The following RBFOX1 variants were observed in gnomAD, a reference collection of about 807,000 sequenced individuals.
RBFOX1 encodes the protein RNA binding fox-1 homolog 1, also known as RNA binding protein fox-1 homolog 1.
Under a neutral mutation model 57.7 loss-of-function variants are expected in RBFOX1, and 8 were observed. The observed-to-expected ratio is 0.14, with a 90% CI of 0.08 to 0.25. RBFOX1 has a LOEUF of 0.25. Ranked by LOEUF, RBFOX1 falls within the 10% of genes least tolerant of loss-of-function variation. RBFOX1 has a pLI of 1.00. For synonymous variants in RBFOX1, 326 were observed against 222.4 expected, an observed-to-expected ratio of 1.47 and a Z score of -4.15; for missense variants, 611 against 548.5, an observed-to-expected ratio of 1.11 and a Z score of -1.14.
intron 1 of RBFOX1, among the ~76,000 whole-genome samples, chr16:5,332,693 C>T (rs899446560): frequency 6.6e-6 from 1 of 151,234 alleles, no homozygotes; most frequent in Non-Finnish European, 1.5e-5. Flanking sequence ...ATTTTTCACT[C>T]CCTTATATCA....
chr16:5,360,666 G>C (rs575440600), intron 1 of RBFOX1, among the ~76,000 whole-genome samples: 1 of 152,198 alleles, frequency 6.6e-6, no homozygotes, highest in African/African-American at 2.4e-5. Flanking sequence ...CTAATGTGAG[G>C]AAGAAGAGGG....
At chr16:5,897,699 G>C (rs1406624771) in intron 4 of RBFOX1, among the ~76,000 whole-genome samples, 1 of 152,164 alleles carries the variant, frequency 6.6e-6, no homozygotes, top group Non-Finnish European at 1.5e-5. Flanking sequence ...AGCTTCTCCA[G>C]AGACTGTTCA....
chr16:5,804,124 A>G (rs1406490904), intron 3 of RBFOX1, among the ~76,000 whole-genome samples: 1 of 152,208 alleles, frequency 6.6e-6, no homozygotes, highest in Non-Finnish European at 1.5e-5. Context: ...GTTCCTTGGA[A>G]GTCAAGGGCC....
At chr16:7,275,641 G>A (rs1050061077) in intron 4 of RBFOX1, among the ~76,000 whole-genome samples, 1 of 150,680 alleles carries the variant, frequency 6.6e-6, no homozygotes, top group Non-Finnish European at 1.5e-5. Context: ...CAAATGATGA[G>A]CTTATCTGTT....
intron 2 of RBFOX1, among the ~76,000 whole-genome samples, chr16:6,637,422 T>C (rs1475775199): frequency 6.2e-3 from 66 of 10,728 alleles, no homozygotes; most frequent in South Asian, 0.045. Flanking sequence ...ATATAATATA[T>C]AAATATATTA....
rs1076380 is a variant in RBFOX1, at chr16:5,973,194, G to A, written c.351+105859G>A. Among the ~76,000 whole-genome samples the A allele has an allele frequency of 9.1e-3, 1,385 of 152,134 alleles. 9 individuals are homozygous for A. Among genetic ancestry groups the A allele is most frequent in the Middle Eastern group, 0.031 (9 of 294 alleles). Reference sequence around the variant, plus strand: ...AGTGGTGGAGAGAACTGGACTTACCGTCAAAAATATTAGGGATGTTCGTGA... The same window carrying A: ...AGTGGTGGAGAGAACTGGACTTACCATCAAAAATATTAGGGATGTTCGTGA... On this transcript the variant is annotated intron_variant, in intron 4 of 19. Coordinates refer to the RBFOX1 transcript ENST00000641259.
chr16:6,441,748 G>T (rs572315901), intron 2 of RBFOX1, among the ~76,000 whole-genome samples: 90 of 152,178 alleles, frequency 5.9e-4, no homozygotes, highest in African/African-American at 2.0e-3. Flanking sequence ...CTGACTGTCT[G>T]TCTTCACGTA....
chr16:5,727,683 GTTGTTTGT>G (rs556037346), intron 3 of RBFOX1, among the ~76,000 whole-genome samples: 1 of 151,888 alleles, frequency 6.6e-6, no homozygotes, highest in African/African-American at 2.4e-5. Context: ...TTTTGTTGTT[GTTGTTTGT>G]TTGTTTGTTT....
At chr16:6,557,038 T>TATATATACATATATATACATATATACAC (rs1567672066) in intron 2 of RBFOX1, among the ~76,000 whole-genome samples, 3 of 129,546 alleles carry the variant, frequency 2.3e-5, no homozygotes, top group African/African-American at 1.1e-4. Context: ...TATATACACA[T>TATATATACATATATATACATATATACAC]ATATATACAT....
chr16:7,256,995 C>G (rs1010922258), intron 4 of RBFOX1, among the ~76,000 whole-genome samples: 7 of 152,136 alleles, frequency 4.6e-5, no homozygotes, highest in African/African-American at 1.7e-4. Context: ...GTTACTCGTT[C>G]TGATCCTGTC....
intron 10 of RBFOX1, among the ~76,000 whole-genome samples, chr16:7,616,037 T>C (rs192559306): frequency 9.5e-4 from 144 of 152,300 alleles, no homozygotes; most frequent in African/African-American, 3.2e-3. Flanking sequence ...CTTTGGAGCA[T>C]TGTATTGTGA....
chr16:6,052,778 C>A (rs1039318556), intron 1 of RBFOX1, among the ~76,000 whole-genome samples: 16 of 141,754 alleles, frequency 1.1e-4, no homozygotes, highest in African/African-American at 4.2e-4. Flanking sequence ...AGCGAGACTC[C>A]GTCTCAAAAA....
In RBFOX1 at chr16:5,440,111, G is replaced by T. The variant is rs79755140; in HGVS notation, c.220-27105G>T. On this transcript the variant is annotated intron_variant, in intron 1 of 2. Transcript: ENST00000585867. The stretch of plus-strand genomic sequence containing the variant: ...AAATGAGTGTCATGTTGGATATAAG[G>T]TTGACTATATCAGTGGGATAATGTA... Among the ~76,000 whole-genome samples, 4 of 152,276 alleles carry T rather than the reference G, an allele frequency of 2.6e-5. No homozygotes were observed. In the East Asian group the frequency reaches 7.7e-4, roughly 29 times the overall value.
chr16:7,108,503 A>G (rs1402690154), intron 4 of RBFOX1, among the ~76,000 whole-genome samples: 1 of 152,146 alleles, frequency 6.6e-6, no homozygotes, highest in Admixed American at 6.5e-5. Flanking sequence ...TACTGTCTCC[A>G]GGATATGTTT....
At chr16:5,808,902 A>G (rs913677520) in intron 3 of RBFOX1, among the ~76,000 whole-genome samples, 17 of 152,166 alleles carry the variant, frequency 1.1e-4, no homozygotes, top group African/African-American at 3.9e-4. Context: ...CTAATTAAAT[A>G]CCCTTTGTTT....
intron 2 of RBFOX1, among the ~76,000 whole-genome samples, chr16:6,382,609 C>T (rs1370414504): frequency 6.6e-6 from 1 of 152,130 alleles, no homozygotes; most frequent in Non-Finnish European, 1.5e-5. Context: ...CCTGTAATCC[C>T]AGAACTTTGG....
intron 2 of RBFOX1, among the ~76,000 whole-genome samples, chr16:6,408,622 C>G (rs986573776): frequency 3.9e-5 from 6 of 152,122 alleles, no homozygotes; most frequent in Non-Finnish European, 8.8e-5. Context: ...TCTTAGGCAA[C>G]AAGGCCAGTT....
intron 1 of RBFOX1, among the ~76,000 whole-genome samples, chr16:5,256,124 G>C (rs28477582): frequency 6.6e-6 from 1 of 151,922 alleles, no homozygotes. Context: ...TTTTGCAGGA[G>C]GGGAAGGGCA....
intron 2 of RBFOX1, among the ~76,000 whole-genome samples, chr16:6,640,624 TAAA>T (rs1478227728): frequency 6.6e-6 from 1 of 151,820 alleles, no homozygotes; most frequent in African/African-American, 2.4e-5. Context: ...AATAAATAAA[TAAA>T]TAAATAAATA....
Sources: gnomAD v4.1 joint callset for allele counts (sites outside exome capture counted in the v4.1 genomes callset) on GRCh38, gnomAD v4.1.1 for gene constraint, MANE v1.5 for transcripts, NCBI Gene and HGNC (gene_info 2026-07-23, HGNC 2026-07-21) for gene names.